CDH22: variants seen among roughly 807,000 people sequenced by gnomAD.
CDH22 encodes the protein cadherin 22.
CDH22 carries 30 observed loss-of-function variants against 58.4 expected under a neutral mutation model. The ratio of observed to expected loss-of-function variants is 0.51; its 90% CI spans 0.38 to 0.70. The LOEUF (loss-of-function observed/expected upper bound fraction) is 0.70, where lower values mean the gene tolerates loss of function less well. CDH22 is among the 30% of genes least tolerant of loss of function. The pLI is 0.00. For synonymous variants in CDH22, 513 were observed against 558.2 expected (o/e 0.92, Z 1.14); for missense variants, 1,014 against 1,233.9 (o/e 0.82, Z 2.67).
intron 8 of CDH22, among the ~76,000 whole-genome samples, chr20:46,191,033 T>C (rs2085859031): frequency 6.6e-6 from 1 of 152,202 alleles, no homozygotes; most frequent in Non-Finnish European, 1.5e-5. Context: ...GCATCTCCTT[T>C]GTACCAAGGA....
In CDH22 at chr20:46,229,290, C is replaced by G. The variant is rs368489497; in HGVS notation, c.551-1663G>C. ...ATAGCATCTCGGAGATGCAGAGTGGCCCCCCCCCCCAATTTTACAGCTGAG... is the reference window on the plus strand; with the variant it reads ...ATAGCATCTCGGAGATGCAGAGTGGGCCCCCCCCCCAATTTTACAGCTGAG... On this transcript the variant is annotated intron_variant, in intron 3 of 11. Transcript: ENST00000537909. Among the ~76,000 whole-genome samples, 147 of 49,346 alleles carry G rather than the reference C, an allele frequency of 3.0e-3. No homozygotes were observed. The African/African-American group carries it at 0.034, about 11-fold the overall frequency. The allele number at this position is 49,346 out of a possible 152,430, so 32.4% of individuals were successfully genotyped here.
rs543706320 is a variant in CDH22, at chr20:46,178,189, C to T, written c.1672G>A (p.Ala558Thr). 5.0e-6 allele frequency: 8 copies of T among 1,611,678 alleles called. No individual in the cohort carries two copies. The highest frequency in any genetic ancestry group is 2.7e-5 in the African/African-American group (2 of 74,946). Residue 558 changes from alanine (A) to threonine (T), a missense_variant, in exon 11 of 12, where the codon GCT becomes ACT. This residue lies in a region of CDH22 where 806 missense variants were observed against 1,038.7 expected (regional missense o/e 0.78). Coordinates refer to ENST00000537909, the MANE Select transcript of CDH22 (RefSeq NM_021248.3). ...CCCACGTGCTGCGTGTGCACTGCAG[C>T]GGTGTTGTCTGTTCCGGAAGAAGGG... is the stretch of plus-strand genomic sequence containing the variant. ...FSLLDIQDNT[A>T]AVHTQHVGFN...
Position 46,174,517 on chromosome 20 carries a change from G to C in CDH22, c.2476C>G (p.Gln826Glu). ...YAGHRGDDEA[Q>E]AS is the part of the protein sequence containing the mutation. ...GGCAGGGCGAGGGGCTAGGAGGCCT[G>C]GGCCTCGTCGTCCCCGCGGTGGCCG... Residue 826 changes from glutamine to glutamate, a missense_variant, in exon 12 of 12, where the codon CAG (glutamine) becomes GAG (glutamate). Physicochemically the swap from Gln to Glu is conservative, Grantham distance 29. Around this residue, in one of 2 missense-constraint regions of CDH22, gnomAD observed 208 missense variants for 195.2 expected, o/e 1.07. Transcript: ENST00000537909. The surrounding 1 kb of genome is among the most constrained non-coding windows in gnomAD (Gnocchi z 4.4). The C allele has an allele frequency of 6.6e-7, 1 of 1,513,282 alleles. No homozygotes were observed. Among genetic ancestry groups the C allele is most frequent in the Middle Eastern group, 2.1e-4 (1 of 4,662 alleles). The allele number at this position is 1,513,282 out of a possible 1,614,324, so 93.7% of individuals were successfully genotyped here. A position where few individuals can be genotyped will look rare whatever the true frequency, so the allele number is the denominator to read the frequency against.
intron 10 of CDH22, among the ~76,000 whole-genome samples, chr20:46,178,586 C>CTTTTTTTTTTTTTGTTT (rs2085759548): frequency 1.0e-5 from 1 of 95,374 alleles, no homozygotes; most frequent in Non-Finnish European, 2.0e-5. Flanking sequence ...CTGGCGTTGT[C>CTTTTTTTTTTTTTGTTT]TTTTTTTTTT....
chr20:46,250,204 TTTCATTCA>T (rs3091437), intron 2 of CDH22, among the ~76,000 whole-genome samples: 1 of 151,934 alleles, frequency 6.6e-6, no homozygotes, highest in African/African-American at 2.4e-5. Context: ...GAGAAAGTAG[TTTCATTCA>T]TTCATTCATT....
At position 46,216,816 on chromosome 20, in the gene CDH22, C is replaced by T. The variant is rs1007434570; in HGVS notation, c.838+10G>A. On this transcript the variant is annotated intron_variant, in intron 5 of 11. Coordinates refer to ENST00000537909, the MANE Select transcript of CDH22 (RefSeq NM_021248.3). This position sits in a 1 kb window ranked among gnomAD's most constrained non-coding sequence, Gnocchi z 5.3. The stretch of plus-strand genomic sequence containing the variant: ...ACAGACGCGCCTTCCTCTGGGAAGG[C>T]CTCACTCACTCTGCGGGAAACGGGG... 1.9e-6 allele frequency: 3 copies of T among 1,588,750 alleles called. No individual in the cohort carries two copies. Among genetic ancestry groups the T allele is most frequent in the East Asian group, 4.5e-5 (2 of 44,140 alleles).
Position 46,174,316 on chromosome 20 carries a change from G to A in CDH22, c.*190C>T, listed in dbSNP as rs2085717925. On this transcript the variant is annotated 3_prime_UTR_variant, in exon 12 of 12. Transcript: ENST00000537909. This position sits in a 1 kb window ranked among gnomAD's most constrained non-coding sequence, Gnocchi z 4.4. The stretch of plus-strand genomic sequence containing the variant: ...GTTGGTCAGAATCCCGCACCTCTGG[G>A]CTCCAAAGCTGCACCCCTAGAGGAG... The A allele has an allele frequency of 1.5e-5, 8 of 519,770 alleles. No homozygotes were observed. Among genetic ancestry groups the A allele is most frequent in the Admixed American group, 4.2e-5 (1 of 23,834 alleles). The allele number at this position is 519,770 out of a possible 1,614,324, so 32.2% of individuals were successfully genotyped here.
At chr20:46,196,298 CAG>C (rs1369664633) in intron 8 of CDH22, among the ~76,000 whole-genome samples, 8 of 151,178 alleles carry the variant, frequency 5.3e-5, no homozygotes, top group Non-Finnish European at 5.9e-5. Context: ...TTTTTTGAGA[CAG>C]AGTCTTGCCT....
intron 1 of CDH22, among the ~76,000 whole-genome samples, chr20:46,295,598 G>C (rs914243623): frequency 1.3e-5 from 2 of 152,172 alleles, no homozygotes; most frequent in Non-Finnish European, 2.9e-5. Context: ...AGCTAGGAAG[G>C]GGGGCAGCTC....
At chr20:46,178,653 C>A (rs1299516464) in intron 10 of CDH22, among the ~76,000 whole-genome samples, 1 of 147,008 alleles carries the variant, frequency 6.8e-6, no homozygotes, top group Admixed American at 6.9e-5. Flanking sequence ...TCCACCCCAG[C>A]TTCCCAGCGT....
At chr20:46,307,138 C>T (rs188377609) in intron 1 of CDH22, among the ~76,000 whole-genome samples, 278 of 152,342 alleles carry the variant, frequency 1.8e-3, no homozygotes, top group Non-Finnish European at 2.9e-3. Context: ...ACCCTGGCGA[C>T]GCCCGAAGGG....
At position 46,282,857 on chromosome 20, in the gene CDH22, A is replaced by T. The variant is rs367896280; in HGVS notation, c.-400+25398T>A. Among the ~76,000 whole-genome samples the T allele has an allele frequency of 8.5e-5, 13 of 152,206 alleles. No individual in the cohort carries two copies. In the East Asian group the frequency reaches 2.1e-3, roughly 25 times the overall value. On this transcript the variant is annotated intron_variant, in intron 1 of 11. Coordinates refer to ENST00000537909, the MANE Select transcript of CDH22 (RefSeq NM_021248.3). The stretch of plus-strand genomic sequence containing the variant: ...TAATTCTGGGCGTCACCATTTGTCA[A>T]CTTGCTCCCTCGTCACAAGCCTCCT...
Position 46,241,023 on chromosome 20 carries a change from T to C in CDH22, c.490A>G (p.Ser164Gly), listed in dbSNP as rs1412480936. The C allele has an allele frequency of 1.2e-6, 2 of 1,614,054 alleles. No individual in the cohort carries two copies. The highest frequency in any genetic ancestry group is 1.7e-6 in the Non-Finnish European group (2 of 1,179,988). ...FIIKVQDIND[S>G]EPRFLHGPYI... The stretch of plus-strand genomic sequence containing the variant: ...GGGCCGTGCAGGAAGCGGGGCTCAC[T>C]GTCATTGATGTCCTGCACCTTGATG... The change falls in exon 3 of 12, where the codon AGT becomes GGT. Residue 164 changes from serine (S) to glycine (G), a missense_variant. Coordinates refer to ENST00000537909, the MANE Select transcript of CDH22 (RefSeq NM_021248.3). This position sits in a 1 kb window ranked among gnomAD's most constrained non-coding sequence, Gnocchi z 5.2.
rs533212064 is a variant in CDH22 at position 46,293,329 on chromosome 20, C to T, written c.-400+14926G>A. Among the ~76,000 whole-genome samples, 7 of 152,294 alleles carry T rather than the reference C, an allele frequency of 4.6e-5. No individual in the cohort carries two copies. The South Asian group carries it at 1.0e-3, about 23-fold the overall frequency. ...TGAAGCTGCCGCTACAGGGAGCTGT[C>T]TGTGCTGACCTGCATCTCCGTGTGT... On this transcript the variant is annotated intron_variant, in intron 1 of 11. Transcript: ENST00000537909.
At chr20:46,199,329 G>A (rs2085935722) in intron 8 of CDH22, 94 bp downstream of exon 8, 4 of 1,440,262 alleles carry the variant, frequency 2.8e-6, no homozygotes, top group Non-Finnish European at 2.8e-6. Flanking sequence ...TGACAGGGCT[G>A]CCTTGGCCCT....
At chr20:46,187,292 T>C (rs1255568892) in intron 8 of CDH22, among the ~76,000 whole-genome samples, 1 of 151,766 alleles carries the variant, frequency 6.6e-6, no homozygotes, top group African/African-American at 2.4e-5. Context: ...ACCTTTGCCA[T>C]CACTACCACT....
rs761346629 is a variant in CDH22, at chr20:46,216,830, C to A, written c.834G>T (p.Pro278=). 1 of 1,595,546 alleles carries A rather than the reference C, an allele frequency of 6.3e-7. No individual in the cohort carries two copies. ...CTCTGGGAAGGCCTCACTCACTCTG[C>A]GGGAAACGGGGCGGGTTGTCATTGA... ...TDVNDNPPRF[P]QKMYQFSIQE... is the part of the protein sequence containing the mutation. The change falls in exon 5 of 12, where the codon CCG becomes CCT. Residue 278 remains proline (P), a synonymous_variant. Transcript: ENST00000537909. The surrounding 1 kb of genome is among the most constrained non-coding windows in gnomAD (Gnocchi z 5.3).
intron 1 of CDH22, among the ~76,000 whole-genome samples, chr20:46,284,557 G>A (rs2086567366): frequency 1.3e-5 from 2 of 152,204 alleles, no homozygotes; most frequent in African/African-American, 4.8e-5. Flanking sequence ...AGGTGGAGGT[G>A]CAGACTCAGA....
intron 4 of CDH22, among the ~76,000 whole-genome samples, chr20:46,222,120 G>A (rs979896833): frequency 3.9e-5 from 6 of 152,218 alleles, no homozygotes; most frequent in Non-Finnish European, 8.8e-5. Context: ...GGGCTGTTGA[G>A]AGGACTGAAT....
Sources: allele counts gnomAD v4.1 joint callset (sites outside exome capture counted in the v4.1 genomes callset), GRCh38; gene constraint gnomAD v4.1.1; regional missense constraint gnomAD v4.1.1; non-coding constraint Gnocchi (gnomAD v3.1); transcripts MANE v1.5; gene names NCBI Gene and HGNC (gene_info 2026-07-23, HGNC 2026-07-21).